Variants in LRRC7 observed in about 807,000 individuals in gnomAD.
The protein encoded by LRRC7 is leucine rich repeat containing 7.
A neutral mutation model predicts 175.7 loss-of-function variants in LRRC7; 23 were observed. That is an observed-to-expected ratio of 0.13 (90% CI 0.09 to 0.19). The LOEUF is 0.19. LRRC7 is among the 10% of genes least tolerant of loss of function. The pLI, the probability that LRRC7 is intolerant of heterozygous loss-of-function variation, is 1.00. For synonymous variants in LRRC7, 685 were observed against 680.9 expected (o/e 1.01, Z -0.09); for missense variants, 1,354 against 1,904.7 (o/e 0.71, Z 5.38).
In LRRC7 at chr1:70,021,020, G is replaced by A; in HGVS notation, c.1436G>A (p.Ser479Asn). Residue 479 changes from serine to asparagine, a missense_variant, in exon 16 of 27, where the codon AGT becomes AAT. By Grantham distance (46) the Ser-to-Asn change is conservative. This residue lies in a region of LRRC7 where 201 missense variants were observed against 481.4 expected (regional missense o/e 0.42). Transcript: ENST00000651989. Reference protein sequence around the residue: ...PRGDEDFQSDSDSFNPTLWEE... With the variant: ...PRGDEDFQSDNDSFNPTLWEE... Reference sequence around the variant, plus strand: ...CTAACTGTAGATTTCCAGTCAGACAGTGACAGCTTTAACCCTACACTGTGG... The same window carrying A: ...CTAACTGTAGATTTCCAGTCAGACAATGACAGCTTTAACCCTACACTGTGG... 6.2e-7 allele frequency: 1 copy of A among 1,608,028 alleles called. No individual in the cohort carries two copies. The highest frequency in any genetic ancestry group is 8.5e-7 in the Non-Finnish European group (1 of 1,177,324).
Position 69,862,976 on chromosome 1 carries a change from G to A in LRRC7, c.647+24693G>A, listed in dbSNP as rs567660167. On this transcript the variant is annotated intron_variant, in intron 7 of 26. Coordinates refer to ENST00000651989, the MANE Select transcript of LRRC7 (RefSeq NM_001370785.2). Reference sequence around the variant, plus strand: ...CCATGTATTTCAATGCATCACAGGTGCCTTAAAGTCAAGAGTTTCAGTATT... The same window carrying A: ...CCATGTATTTCAATGCATCACAGGTACCTTAAAGTCAAGAGTTTCAGTATT... Among the ~76,000 whole-genome samples, 22 of 152,200 alleles carry A rather than the reference G, an allele frequency of 1.4e-4. 1 individual carries two copies. The South Asian group carries it at 4.4e-3, about 30-fold the overall frequency.
At chr1:70,068,068 T>C (rs1276839842) in intron 23 of LRRC7, among the ~76,000 whole-genome samples, 1 of 152,126 alleles carries the variant, frequency 6.6e-6, no homozygotes, top group African/African-American at 2.4e-5. Context: ...GAACAGCTTC[T>C]TTTTTCTTTT....
intron 1 of LRRC7, among the ~76,000 whole-genome samples, chr1:69,604,697 C>T (rs1208504447): frequency 6.8e-6 from 1 of 146,680 alleles, no homozygotes; most frequent in African/African-American, 2.5e-5. Context: ...CTAAATATAC[C>T]ATTTTTTTTT....
At chr1:69,947,107 C>T (rs1649406672) in intron 8 of LRRC7, among the ~76,000 whole-genome samples, 2 of 139,404 alleles carry the variant, frequency 1.4e-5, no homozygotes, top group African/African-American at 2.8e-5. Context: ...GACTGTGTCT[C>T]AAAATAAATA....
chr1:69,741,889 T>A (rs1212042369), intron 2 of LRRC7, among the ~76,000 whole-genome samples: 2 of 152,028 alleles, frequency 1.3e-5, no homozygotes, highest in South Asian at 2.1e-4. Flanking sequence ...CAAACGCAAA[T>A]CTGATCAGAC....
chr1:69,651,432 GT>G (rs1406544400), intron 1 of LRRC7, among the ~76,000 whole-genome samples: 4 of 152,102 alleles, frequency 2.6e-5, no homozygotes, highest in Non-Finnish European at 4.4e-5. Context: ...TTTTCATTTT[GT>G]CTTGCTGTAT....
At chr1:69,807,912 T>A (rs949971638) in intron 4 of LRRC7, among the ~76,000 whole-genome samples, 6 of 152,092 alleles carry the variant, frequency 3.9e-5, no homozygotes, top group African/African-American at 1.4e-4. Context: ...GGCTCCATTC[T>A]CCCTGTAACT....
chr1:69,800,314 T>C (rs961808526), intron 4 of LRRC7, among the ~76,000 whole-genome samples: 1 of 151,998 alleles, frequency 6.6e-6, no homozygotes, highest in African/African-American at 2.4e-5. Context: ...TTGCATTGAG[T>C]CTATAGATTG....
chr1:69,946,016 C>A (rs1649271401), intron 8 of LRRC7, among the ~76,000 whole-genome samples: 2 of 152,056 alleles, frequency 1.3e-5, no homozygotes, highest in South Asian at 2.1e-4. Flanking sequence ...CTCTGTTGAA[C>A]AAAACTGGTA....
chr1:69,894,311 G>A (rs1163428179), intron 7 of LRRC7, among the ~76,000 whole-genome samples: 2 of 152,128 alleles, frequency 1.3e-5, no homozygotes, highest in Non-Finnish European at 2.9e-5. Context: ...AAGGTGTGGG[G>A]GAAGGATTTG....
chr1:69,808,524 T>G (rs1677412223), intron 4 of LRRC7, among the ~76,000 whole-genome samples: 1 of 152,122 alleles, frequency 6.6e-6, no homozygotes, highest in Non-Finnish European at 1.5e-5. Context: ...AAAACACTTC[T>G]CAGCAAATGC....
At chr1:69,826,822 G>A (rs1454295650) in intron 5 of LRRC7, among the ~76,000 whole-genome samples, 3 of 152,092 alleles carry the variant, frequency 2.0e-5, no homozygotes, top group Admixed American at 6.6e-5. Context: ...TCAAAGGGAA[G>A]TTGATGGGAA....
intron 7 of LRRC7, among the ~76,000 whole-genome samples, chr1:69,886,520 T>C (rs1167213495): frequency 6.6e-6 from 1 of 152,100 alleles, no homozygotes; most frequent in Non-Finnish European, 1.5e-5. Flanking sequence ...TCTCTGCACG[T>C]GAGATGGGTT....
At chr1:69,735,511 G>A (rs547209988) in intron 2 of LRRC7, among the ~76,000 whole-genome samples, 1 of 152,094 alleles carries the variant, frequency 6.6e-6, no homozygotes, top group Admixed American at 6.6e-5. Context: ...ATATTAATTT[G>A]TCCCACAACT....
intron 23 of LRRC7, among the ~76,000 whole-genome samples, chr1:70,065,744 A>T (rs2102098003): frequency 6.6e-6 from 1 of 152,042 alleles, no homozygotes; most frequent in East Asian, 1.9e-4. Flanking sequence ...CAGAGTAAGT[A>T]GTATCATCTT....
In LRRC7 at chr1:69,882,247, G is replaced by C. The variant is rs61782576; in HGVS notation, c.647+43964G>C. On this transcript the variant is annotated intron_variant, in intron 7 of 26. Coordinates refer to ENST00000651989, the MANE Select transcript of LRRC7 (RefSeq NM_001370785.2). Reference sequence around the variant, plus strand: ...ATAACTAGATATTGGAAAGAGAGTAGAGAAAAGGTAAACTGCTGAGAATGT... The same window carrying C: ...ATAACTAGATATTGGAAAGAGAGTACAGAAAAGGTAAACTGCTGAGAATGT... Among the ~76,000 whole-genome samples, 1,204 of 152,216 alleles carry C rather than the reference G, an allele frequency of 7.9e-3. 11 individuals are homozygous for C. The highest frequency in any genetic ancestry group is 0.027 in the Middle Eastern group (8 of 294).
At chr1:69,973,233 T>G (rs1178724840) in intron 8 of LRRC7, among the ~76,000 whole-genome samples, 1 of 151,780 alleles carries the variant, frequency 6.6e-6, no homozygotes, top group Non-Finnish European at 1.5e-5. Flanking sequence ...GGAGCTAAGC[T>G]ATGACAATGC....
intron 1 of LRRC7, among the ~76,000 whole-genome samples, chr1:69,592,776 A>G (rs1339714848): frequency 6.6e-6 from 1 of 152,086 alleles, no homozygotes; most frequent in African/African-American, 2.4e-5. Context: ...GCTTCACAAC[A>G]TATCTGGGAA....
intron 8 of LRRC7, among the ~76,000 whole-genome samples, chr1:69,950,966 G>C (rs1020834554): frequency 6.6e-6 from 1 of 151,956 alleles, no homozygotes; most frequent in African/African-American, 2.4e-5. Flanking sequence ...AATTGCCTTT[G>C]GAACACACAG....
Sources: allele counts gnomAD v4.1 joint callset (sites outside exome capture counted in the v4.1 genomes callset), GRCh38; gene constraint gnomAD v4.1.1; regional missense constraint gnomAD v4.1.1; transcripts MANE v1.5; gene names NCBI Gene and HGNC (gene_info 2026-07-23, HGNC 2026-07-21).